The following MYOZ1 variants were observed in gnomAD, a reference collection of about 807,000 sequenced individuals.
MYOZ1 encodes the protein myozenin-1.
MYOZ1 carries 20 observed loss-of-function variants against 28.7 expected under a neutral mutation model. The observed-to-expected ratio is 0.70, with a 90% CI of 0.49 to 1.01. The LOEUF is 1.01. Among genes scored for constraint, MYOZ1 ranks in the 50% least tolerant of loss-of-function variants. The probability of loss-of-function intolerance (pLI) is 0.00; values close to 1 mark genes in which losing one functional copy is unlikely to be tolerated. For missense variants in MYOZ1, 371 were observed against 372.4 expected (o/e 1.00, Z 0.03); for synonymous variants, 144 against 145.8 (o/e 0.99, Z 0.09).
Position 73,634,330 on chromosome 10 carries a change from C to T in MYOZ1, c.502+154G>A, listed in dbSNP as rs145478980. On this transcript the variant is annotated intron_variant, in intron 4 of 5. Coordinates refer to ENST00000359322, the MANE Select transcript of MYOZ1 (RefSeq NM_021245.4). ...ATACTCCTGGACCCAGGTAATTCAC[C>T]AAGATATTTATGATATTTAAACTGA... Among the ~76,000 whole-genome samples, 486 of 152,066 alleles carry T rather than the reference C, an allele frequency of 3.2e-3. 9 individuals are homozygous for T. The highest frequency in any genetic ancestry group is 2.7e-3 in the East Asian group (14 of 5,176).
chr10:73,638,964 AC>A (rs1437096691), intron 2 of MYOZ1, among the ~76,000 whole-genome samples: 3 of 100,208 alleles, frequency 3.0e-5, no homozygotes, highest in African/African-American at 1.2e-4. Flanking sequence ...CCACGCCTGG[AC>A]TTTTTTTTTT....
rs748334063 is a variant in MYOZ1, at chr10:73,633,976, G to A, written c.592C>T (p.Gln198Ter). Residue 198 changes from glutamine (Q) to a stop codon, truncating the protein, a stop_gained, in exon 5 of 6, where the codon CAA becomes TAA. Transcript: ENST00000359322. LOFTEE classifies it high-confidence loss of function. ...WERAMGVDPQ[Q>*]KMELGIDLLA... ...AGGTCAATGCCAAGTTCCATTTTTTGCTGGGGGTCAACCCCCATGGCTCGC... is the reference window on the plus strand; with the variant it reads ...AGGTCAATGCCAAGTTCCATTTTTTACTGGGGGTCAACCCCCATGGCTCGC... 6.2e-7 allele frequency: 1 copy of A among 1,612,882 alleles called. No individual in the cohort carries two copies. Among genetic ancestry groups the A allele is most frequent in the East Asian group, 2.2e-5 (1 of 44,860 alleles).
intron 3 of MYOZ1, among the ~76,000 whole-genome samples, chr10:73,635,185 A>G (rs886353271): frequency 1.3e-5 from 2 of 151,966 alleles, no homozygotes; most frequent in African/African-American, 2.4e-5. Flanking sequence ...CGGCCTCCCA[A>G]AGTGCCGGGA....
intron 2 of MYOZ1, among the ~76,000 whole-genome samples, chr10:73,639,462 G>A (rs1205345482): frequency 6.6e-6 from 1 of 152,136 alleles, no homozygotes; most frequent in Non-Finnish European, 1.5e-5. Flanking sequence ...CTTTCCCTCA[G>A]TGAGCTCTGG....
intron 1 of MYOZ1, 61 bp from the exon 2 acceptor site, chr10:73,640,096 G>T: frequency 7.1e-7 from 1 of 1,401,292 alleles, no homozygotes; most frequent in Non-Finnish European, 1.0e-6. Flanking sequence ...GTGAGTGTCT[G>T]TAGGAGAGCA....
chr10:73,635,685 C>T (rs2081663680), intron 3 of MYOZ1, among the ~76,000 whole-genome samples: 1 of 152,122 alleles, frequency 6.6e-6, no homozygotes, highest in Non-Finnish European at 1.5e-5. Context: ...CCAGCCCCAA[C>T]TAAAATTTGG....
At position 73,634,747 on chromosome 10, in the gene MYOZ1, A is replaced by C; in HGVS notation, c.253-14T>G. 6.2e-7 allele frequency: 1 copy of C among 1,607,926 alleles called. No individual in the cohort carries two copies. On this transcript the variant is annotated splice_polypyrimidine_tract_variant and intron_variant, in intron 3 of 5. Coordinates refer to ENST00000359322, the MANE Select transcript of MYOZ1 (RefSeq NM_021245.4). ...CTGGAAGTGATCCTGAAAAGAAGACAAAGTGAGGGGAAGGTTAGCAATGGG... is the reference window on the plus strand; with the variant it reads ...CTGGAAGTGATCCTGAAAAGAAGACCAAGTGAGGGGAAGGTTAGCAATGGG...
intron 3 of MYOZ1, among the ~76,000 whole-genome samples, chr10:73,636,517 C>T (rs1376496249): frequency 6.6e-6 from 1 of 151,850 alleles, no homozygotes; most frequent in East Asian, 1.9e-4. Flanking sequence ...GTGGTGTGAA[C>T]ATGGCTCATG....
Position 73,637,812 on chromosome 10 carries a change from GT to G in MYOZ1, c.183del (p.Lys61AsnfsTer5). 1 of 1,614,134 alleles carries G rather than the reference GT, an allele frequency of 6.2e-7. No homozygotes were observed. The highest frequency in any genetic ancestry group is 8.5e-7 in the Non-Finnish European group (1 of 1,180,038). ...AACTTCTCCACCCTCATCTGCCGCAGTTTGAACATCTTGGAGCCCCGGTTGG... is the reference window on the plus strand; with the variant it reads ...AACTTCTCCACCCTCATCTGCCGCAGTTGAACATCTTGGAGCCCCGGTTGG... ...LLTNRGSKMF[K>X]LRQMRVEKFI... On this transcript the variant is annotated frameshift_variant, in exon 3 of 6. Transcript: ENST00000359322. LOFTEE classifies it high-confidence loss of function.
At chr10:73,639,912 G>C (rs1283578756) in intron 2 of MYOZ1, 33 bp downstream of exon 2, 11 of 1,601,678 alleles carry the variant, frequency 6.9e-6, no homozygotes, top group Non-Finnish European at 9.4e-6. Context: ...CTCTTAAGAA[G>C]TCCCACACTA....
At chr10:73,632,841 G>A (rs78058835) in intron 5 of MYOZ1, among the ~76,000 whole-genome samples, 5,333 of 151,274 alleles carry the variant, frequency 0.035, 155 homozygotes, top group South Asian at 0.11. Context: ...CTAGTGGACA[G>A]TGGATAGCCT....
In MYOZ1 at chr10:73,637,767, C is replaced by T. The variant is rs774145314; in HGVS notation, c.229G>A (p.Asp77Asn). The T allele has an allele frequency of 1.2e-6, 2 of 1,613,556 alleles. No individual in the cohort carries two copies. The highest frequency in any genetic ancestry group is 1.3e-5 in the African/African-American group (1 of 74,876). Residue 77 changes from aspartate to asparagine, a missense_variant, in exon 3 of 6, where the codon GAT becomes AAT. Asp to Asn is a conservative substitution (Grantham distance 23). Coordinates refer to ENST00000359322, the MANE Select transcript of MYOZ1 (RefSeq NM_021245.4). ...ACCATTGAGCTGTCAGAGAAAACAT[C>T]AGGGTGGTTCTCATAAATAAACTTC... is the stretch of plus-strand genomic sequence containing the variant. Reference protein sequence around the residue: ...VEKFIYENHPDVFSDSSMDHF... With the variant: ...VEKFIYENHPNVFSDSSMDHF...
At chr10:73,640,591 AGTGCAG>A (rs1467449863) in intron 1 of MYOZ1, among the ~76,000 whole-genome samples, 3 of 152,196 alleles carry the variant, frequency 2.0e-5, no homozygotes, top group Non-Finnish European at 4.4e-5. Flanking sequence ...TCATAGAGTC[AGTGCAG>A]GAATTAGGAA....
rs1463737876 is a variant in MYOZ1, at chr10:73,631,806, T to G, written c.*124A>C. On this transcript the variant is annotated 3_prime_UTR_variant, in exon 6 of 6. Transcript: ENST00000359322. ...TTGGAGTAAAGGATGGAAAGGTAGA[T>G]CTCTCCTTTTTCCCTCCATTCCCAT... 2.4e-6 allele frequency: 2 copies of G among 823,642 alleles called. 1 individual carries two copies. The highest frequency in any genetic ancestry group is 3.4e-5 in the South Asian group (2 of 58,604). The allele number at this position is 823,642 out of a possible 1,614,324, so 51.0% of individuals were successfully genotyped here.
In MYOZ1 at chr10:73,631,970, T is replaced by C. The variant is rs778201675; in HGVS notation, c.860A>G (p.Asp287Gly). The C allele has an allele frequency of 3.1e-6, 5 of 1,613,876 alleles. No individual in the cohort carries two copies. In the East Asian group the frequency reaches 1.1e-4, roughly 36 times the overall value. ...SSGEPVDYNVDIGIPLDGETE... is the reference protein window; with the variant it reads ...SSGEPVDYNVGIGIPLDGETE... ...TTCTCCATCCAAGGGGATGCCAATA[T>C]CCACGTTGTAGTCTACAGGCTCCCC... The change falls in exon 6 of 6, where the codon GAT becomes GGT. Residue 287 changes from aspartate to glycine, a missense_variant. Asp to Gly is a moderately conservative substitution (Grantham distance 94, BLOSUM62 -1). Coordinates refer to ENST00000359322, the MANE Select transcript of MYOZ1 (RefSeq NM_021245.4).
At position 73,640,175 on chromosome 10, in the gene MYOZ1, A is replaced by C. The variant is rs145008288; in HGVS notation, c.-18-140T>G. 749 of 597,140 alleles carry C rather than the reference A, an allele frequency of 1.3e-3. 2 individuals are homozygous for C. In the African/African-American group the frequency reaches 0.013, roughly 10 times the overall value. The allele number at this position is 597,140 out of a possible 1,614,324, so 37.0% of individuals were successfully genotyped here. On this transcript the variant is annotated intron_variant, in intron 1 of 5. Transcript: ENST00000359322. ...TTTTTTTTTCTTTTTTAGAGACAGG[A>C]TCTCACTCTGTCGCCCAGGCTGGAG...
intron 5 of MYOZ1, among the ~76,000 whole-genome samples, chr10:73,632,438 A>G (rs1241817083): frequency 6.6e-6 from 1 of 151,978 alleles, no homozygotes; most frequent in African/African-American, 2.4e-5. Context: ...AATACTATAG[A>G]CCCAAGGGCC....
chr10:73,632,047 G>T lies in MYOZ1; in HGVS notation c.783C>A (p.Asn261Lys). The T allele has an allele frequency of 6.2e-7, 1 of 1,614,136 alleles. No homozygotes were observed. Among genetic ancestry groups the T allele is most frequent in the Non-Finnish European group, 8.5e-7 (1 of 1,180,040 alleles). ...GATTGAAAGAAGGCCTGTTGGAGAG[G>T]TTTTGGTTGTAGAGGACCAGGGGTT... ...LSEPLVLYNQ[N>K]LSNRPSFNRT... The change falls in exon 6 of 6, where the codon AAC becomes AAA. Residue 261 changes from asparagine to lysine, a missense_variant. Transcript: ENST00000359322.
chr10:73,631,859 A>G lies in MYOZ1; in HGVS notation c.*71T>C. 1.5e-6 allele frequency: 2 copies of G among 1,315,042 alleles called. No homozygotes were observed. The highest frequency in any genetic ancestry group is 2.3e-4 in the Middle Eastern group (1 of 4,404). 81.5% of individuals were successfully genotyped at this position (1,315,042 alleles called of 1,614,324 possible). Reference sequence around the variant, plus strand: ...GGATACTGGATTAACAATGGGGGCTATCTGCTCAGCATTCCCTCTCCAAAT... The same window carrying G: ...GGATACTGGATTAACAATGGGGGCTGTCTGCTCAGCATTCCCTCTCCAAAT... On this transcript the variant is annotated 3_prime_UTR_variant, in exon 6 of 6. Coordinates refer to ENST00000359322, the MANE Select transcript of MYOZ1 (RefSeq NM_021245.4).
Sources: gnomAD v4.1 joint callset for allele counts (sites outside exome capture counted in the v4.1 genomes callset) on GRCh38, gnomAD v4.1.1 for gene constraint, MANE v1.5 for transcripts, NCBI Gene and HGNC (gene_info 2026-07-23, HGNC 2026-07-21) for gene names.